Variants in MAGI2 observed in about 807,000 individuals in gnomAD.
The protein encoded by MAGI2 is membrane-associated guanylate kinase, WW and PDZ domain-containing protein 2.
MAGI2 carries 35 observed loss-of-function variants against 133.3 expected under a neutral mutation model. The observed-to-expected ratio is 0.26, with a 90% CI of 0.20 to 0.35. The LOEUF (loss-of-function observed/expected upper bound fraction) is 0.35. Among genes scored for constraint, MAGI2 ranks in the 10% least tolerant of loss-of-function variants. MAGI2 has a pLI of 1.00. For missense variants in MAGI2, 1,636 were observed against 1,863.4 expected (o/e 0.88, Z 2.25); for synonymous variants, 729 against 710.6 (o/e 1.03, Z -0.41).
intron 2 of MAGI2, among the ~76,000 whole-genome samples, chr7:78,693,022 A>G (rs1817130802): frequency 6.6e-6 from 1 of 152,188 alleles, no homozygotes; most frequent in African/African-American, 2.4e-5. Context: ...CTAGTGAGCA[A>G]CATGTACGGT....
chr7:78,318,605 A>G (rs1787676182), intron 9 of MAGI2, among the ~76,000 whole-genome samples: 1 of 152,194 alleles, frequency 6.6e-6, no homozygotes, highest in South Asian at 2.1e-4. Context: ...ATTCAAATTC[A>G]GGAAATACAG....
At chr7:78,535,302 G>A (rs901239568) in intron 3 of MAGI2, among the ~76,000 whole-genome samples, 1 of 152,088 alleles carries the variant, frequency 6.6e-6, no homozygotes, top group Non-Finnish European at 1.5e-5. Flanking sequence ...GAGATAATAT[G>A]GAACCTAATA....
At chr7:78,143,692 C>T (rs1388770158) in intron 16 of MAGI2, among the ~76,000 whole-genome samples, 4 of 151,934 alleles carry the variant, frequency 2.6e-5, no homozygotes, top group African/African-American at 9.7e-5. Flanking sequence ...TTTAAATTGC[C>T]CATTTAAAAA....
intron 1 of MAGI2, among the ~76,000 whole-genome samples, chr7:79,314,319 T>C (rs907019066): frequency 6.6e-6 from 1 of 151,972 alleles, no homozygotes; most frequent in Non-Finnish European, 1.5e-5. Flanking sequence ...ATGTTGGCCA[T>C]GCTGGTCTCA....
intron 6 of MAGI2, among the ~76,000 whole-genome samples, chr7:78,461,667 T>G (rs956991554): frequency 1.3e-5 from 2 of 151,656 alleles, no homozygotes; most frequent in African/African-American, 2.4e-5. Context: ...ATCCCAGCAC[T>G]TTGGGAGGCT....
chr7:78,495,622 T>G (rs953284905), intron 5 of MAGI2, among the ~76,000 whole-genome samples: 49 of 152,220 alleles, frequency 3.2e-4, no homozygotes, highest in Non-Finnish European at 1.2e-4. Flanking sequence ...TTTTTCTATC[T>G]ATACATAGGT....
At chr7:79,051,777 C>G (rs1332839887) in intron 1 of MAGI2, among the ~76,000 whole-genome samples, 3 of 152,092 alleles carry the variant, frequency 2.0e-5, no homozygotes, top group African/African-American at 7.2e-5. Flanking sequence ...GCAAAATTAT[C>G]TTCAAATGTC....
At chr7:79,143,394 G>A (rs575888370) in intron 1 of MAGI2, among the ~76,000 whole-genome samples, 1 of 152,300 alleles carries the variant, frequency 6.6e-6, no homozygotes, top group East Asian at 1.9e-4. Flanking sequence ...ACACAGGTTT[G>A]TTGTAACATC....
intron 1 of MAGI2, among the ~76,000 whole-genome samples, chr7:79,210,618 G>T (rs78489649): frequency 4.6e-5 from 7 of 152,040 alleles, no homozygotes; most frequent in Admixed American, 1.3e-4. Context: ...CATGGGAAAT[G>T]TCCCAGCACT....
chr7:78,533,600 C>T (rs1227676838), intron 3 of MAGI2, among the ~76,000 whole-genome samples: 1 of 152,194 alleles, frequency 6.6e-6, no homozygotes. Flanking sequence ...CTTGTTACAT[C>T]TGGCTGTTGA....
At chr7:78,550,152 A>G (rs1799212928) in intron 3 of MAGI2, among the ~76,000 whole-genome samples, 1 of 152,224 alleles carries the variant, frequency 6.6e-6, no homozygotes, top group Non-Finnish European at 1.5e-5. Context: ...TCCAGCCTCC[A>G]GAACTTTCAG....
rs199933554 is a variant in MAGI2 at position 79,292,770 on chromosome 7, C to CAAAAAAAAAAAAAAAAA, written c.301+160233_301+160249dup. On this transcript the variant is annotated intron_variant, in intron 1 of 21. Transcript: ENST00000354212. The stretch of plus-strand genomic sequence containing the variant: ...TTTTGGACCACTTTGTCAATTTCTG[C>CAAAAAAAAAAAAAAAAA]AAAAAAAAAAAAAAAAAAAAAAAAA... Among the ~76,000 whole-genome samples, 2 of 57,408 alleles carry CAAAAAAAAAAAAAAAAA rather than the reference C, an allele frequency of 3.5e-5. 1 individual carries two copies. Among genetic ancestry groups the CAAAAAAAAAAAAAAAAA allele is most frequent in the African/African-American group, 1.4e-4 (2 of 14,534 alleles). 37.7% of individuals were successfully genotyped at this position (57,408 alleles called of 152,430 possible).
chr7:78,637,234 A>T (rs943442966), intron 2 of MAGI2, among the ~76,000 whole-genome samples: 3 of 152,210 alleles, frequency 2.0e-5, no homozygotes, highest in African/African-American at 7.2e-5. Context: ...AGTATTTTTC[A>T]TAGTGAAGTG....
At chr7:79,017,306 A>C (rs1007656339) in intron 1 of MAGI2, among the ~76,000 whole-genome samples, 1 of 152,192 alleles carries the variant, frequency 6.6e-6, no homozygotes, top group Non-Finnish European at 1.5e-5. Flanking sequence ...TAGAGCACAC[A>C]GTTCAGGAGT....
chr7:79,238,926 T>A (rs1251748196), intron 1 of MAGI2, among the ~76,000 whole-genome samples: 1 of 152,146 alleles, frequency 6.6e-6, no homozygotes, highest in Non-Finnish European at 1.5e-5. Context: ...AAGAAAATTG[T>A]GGAACTGATG....
intron 1 of MAGI2, among the ~76,000 whole-genome samples, chr7:79,235,331 G>A (rs1441618426): frequency 2.0e-5 from 3 of 152,176 alleles, no homozygotes; most frequent in Non-Finnish European, 2.9e-5. Context: ...CCCAGTTCGA[G>A]CTTCCCGGCT....
intron 1 of MAGI2, among the ~76,000 whole-genome samples, chr7:79,094,089 T>G (rs985778382): frequency 5.3e-5 from 8 of 152,244 alleles, no homozygotes; most frequent in African/African-American, 1.9e-4. Flanking sequence ...CTCTGTAGCA[T>G]GTGATGAAAT....
At chr7:78,788,054 G>A (rs1826976984) in intron 2 of MAGI2, among the ~76,000 whole-genome samples, 1 of 152,152 alleles carries the variant, frequency 6.6e-6, no homozygotes. Flanking sequence ...CCAAGGCACA[G>A]ACATGCCCTG....
chr7:79,427,631 T>C (rs1379295587), intron 1 of MAGI2, among the ~76,000 whole-genome samples: 2 of 152,152 alleles, frequency 1.3e-5, no homozygotes, highest in Admixed American at 6.5e-5. Flanking sequence ...TTGTCCAGCA[T>C]AGCTAAGATC....
Sources: allele counts gnomAD v4.1 joint callset (sites outside exome capture counted in the v4.1 genomes callset), GRCh38; gene constraint gnomAD v4.1.1; transcripts MANE v1.5; gene names NCBI Gene and HGNC (gene_info 2026-07-23, HGNC 2026-07-21).